The following CYP7B1 variants were observed in gnomAD, a reference collection of about 807,000 sequenced individuals.
CYP7B1 encodes the protein cytochrome P450 7B1.
CYP7B1 carries 29 observed loss-of-function variants against 42.7 expected under a neutral mutation model. The ratio of observed to expected loss-of-function variants is 0.68; its 90% CI spans 0.51 to 0.93. The LOEUF (loss-of-function observed/expected upper bound fraction) is 0.93, where lower values mean the gene tolerates loss of function less well. CYP7B1 is among the 40% of genes least tolerant of loss of function. The pLI, the probability that CYP7B1 is intolerant of heterozygous loss-of-function variation, is 0.00. For synonymous variants in CYP7B1, 235 were observed against 218.2 expected (o/e 1.08, Z -0.68); for missense variants, 655 against 600.5 (o/e 1.09, Z -0.95).
At chr8:64,589,089 T>C (rs572877964), downstream of CYP7B1, among the ~76,000 whole-genome samples, 1 of 152,372 alleles carries the variant, frequency 6.6e-6, no homozygotes, top group East Asian at 1.9e-4. Flanking sequence ...TACAAAATTA[T>C]GGTTTATGAA....
intron 1 of CYP7B1, among the ~76,000 whole-genome samples, chr8:64,738,940 C>T (rs965488395): frequency 9.9e-5 from 15 of 152,144 alleles, no homozygotes; most frequent in Non-Finnish European, 1.8e-4. Flanking sequence ...GTCTTGGGCT[C>T]CCCAACACTT....
chr8:64,587,216 C>G (rs1395194841), downstream of CYP7B1, among the ~76,000 whole-genome samples: 2 of 152,152 alleles, frequency 1.3e-5, no homozygotes, highest in East Asian at 1.9e-4. Context: ...TCGCGCCCAC[C>G]GCGCTGTTTT....
chr8:64,770,649 T>C (rs984465494), intron 1 of CYP7B1, among the ~76,000 whole-genome samples: 13 of 152,140 alleles, frequency 8.5e-5, no homozygotes, highest in African/African-American at 3.1e-4. Flanking sequence ...AACCCAAGGA[T>C]GAGCTCCTTG....
intron 1 of CYP7B1, among the ~76,000 whole-genome samples, chr8:64,647,512 C>T (rs1302072573): frequency 6.6e-6 from 1 of 152,098 alleles, no homozygotes; most frequent in Non-Finnish European, 1.5e-5. Flanking sequence ...GGAATTGCCT[C>T]ACGTGGTTAT....
At chr8:64,631,741 T>C (rs1382334207) in intron 1 of CYP7B1, among the ~76,000 whole-genome samples, 1 of 152,064 alleles carries the variant, frequency 6.6e-6, no homozygotes, top group Non-Finnish European at 1.5e-5. Flanking sequence ...AATAACCCAA[T>C]TAAAAAATGG....
At chr8:64,731,053 C>T (rs1005606741) in intron 1 of CYP7B1, among the ~76,000 whole-genome samples, 1 of 152,174 alleles carries the variant, frequency 6.6e-6, no homozygotes, top group African/African-American at 2.4e-5. Flanking sequence ...ACAGTGTTTT[C>T]TGAGGCCTCT....
chr8:64,795,632 A>G (rs1804692510), intron 1 of CYP7B1, among the ~76,000 whole-genome samples: 1 of 152,228 alleles, frequency 6.6e-6, no homozygotes, highest in South Asian at 2.1e-4. Context: ...AAAAAAAGGG[A>G]AACAAAACTT....
intron 1 of CYP7B1, among the ~76,000 whole-genome samples, chr8:64,787,712 T>G (rs778276006): frequency 1.3e-5 from 2 of 152,206 alleles, no homozygotes; most frequent in African/African-American, 4.8e-5. Context: ...GGAATCTGTA[T>G]AGCAGTGCCC....
At chr8:64,617,331 A>G (rs1805463607) in intron 2 of CYP7B1, among the ~76,000 whole-genome samples, 1 of 152,190 alleles carries the variant, frequency 6.6e-6, no homozygotes, top group African/African-American at 2.4e-5. Context: ...GACACAGTCT[A>G]CTATAGTCTG....
intron 2 of CYP7B1, among the ~76,000 whole-genome samples, chr8:64,618,928 A>G (rs536497604): frequency 6.6e-6 from 1 of 152,142 alleles, no homozygotes; most frequent in Non-Finnish European, 1.5e-5. Context: ...CTTCAATATC[A>G]AGGCATTGTG....
intron 1 of CYP7B1, among the ~76,000 whole-genome samples, chr8:64,783,888 C>T (rs559172795): frequency 4.6e-5 from 7 of 152,280 alleles, no homozygotes; most frequent in African/African-American, 1.7e-4. Flanking sequence ...TCATTCATTA[C>T]TGGTAGGACT....
intron 1 of CYP7B1, among the ~76,000 whole-genome samples, chr8:64,669,811 T>C (rs570270715): frequency 2.0e-5 from 3 of 152,170 alleles, no homozygotes; most frequent in African/African-American, 7.2e-5. Context: ...AAAGAAAACA[T>C]AGCTTTGTAA....
At chr8:64,681,415 A>G (rs575539130) in intron 1 of CYP7B1, among the ~76,000 whole-genome samples, 1 of 152,086 alleles carries the variant, frequency 6.6e-6, no homozygotes, top group African/African-American at 2.4e-5. Context: ...GCCCCTACAG[A>G]GCTTCACCTC....
intron 1 of CYP7B1, among the ~76,000 whole-genome samples, chr8:64,669,052 T>A (rs1563383796): frequency 1.3e-5 from 2 of 152,144 alleles, no homozygotes. Context: ...TATTAGCTTA[T>A]CTTCAACATG....
At chr8:64,769,975 T>A (rs1030003069) in intron 1 of CYP7B1, among the ~76,000 whole-genome samples, 8 of 152,194 alleles carry the variant, frequency 5.3e-5, no homozygotes, top group Non-Finnish European at 8.8e-5. Flanking sequence ...AGTCCCAAAG[T>A]TCTTACCATC....
At chr8:64,774,462 T>C (rs1420264191) in intron 1 of CYP7B1, among the ~76,000 whole-genome samples, 2 of 152,158 alleles carry the variant, frequency 1.3e-5, no homozygotes, top group Admixed American at 1.3e-4. Context: ...GTCATGTCAA[T>C]AGGAACAGTT....
chr8:64,588,616 T>G (rs1424467725), downstream of CYP7B1, among the ~76,000 whole-genome samples: 1 of 152,234 alleles, frequency 6.6e-6, no homozygotes, highest in Non-Finnish European at 1.5e-5. Context: ...CTGTTACATA[T>G]CCTTACCCAC....
At chr8:64,747,792 T>C (rs1187654276) in intron 1 of CYP7B1, among the ~76,000 whole-genome samples, 1 of 152,154 alleles carries the variant, frequency 6.6e-6, no homozygotes, top group Non-Finnish European at 1.5e-5. Context: ...GATTATCACA[T>C]AAAAGCACTT....
intron 5 of CYP7B1, among the ~76,000 whole-genome samples, chr8:64,603,875 G>GTTT (rs1805236952): frequency 6.6e-6 from 1 of 152,180 alleles, no homozygotes; most frequent in South Asian, 2.1e-4. Flanking sequence ...AGATTTAGAG[G>GTTT]TGGTCCAGCT....
Sources: allele counts gnomAD v4.1 joint callset (sites outside exome capture counted in the v4.1 genomes callset), GRCh38; gene constraint gnomAD v4.1.1; transcripts MANE v1.5; gene names NCBI Gene and HGNC (gene_info 2026-07-23, HGNC 2026-07-21).